The following LOXHD1 variants were observed in gnomAD, a reference collection of about 807,000 sequenced individuals.
The protein encoded by LOXHD1 is lipoxygenase homology PLAT domains 1.
A neutral mutation model predicts 248.2 loss-of-function variants in LOXHD1; 205 were observed. That is an observed-to-expected ratio of 0.83 (90% CI 0.74 to 0.93). The LOEUF is 0.93. Ranked by LOEUF, LOXHD1 falls within the 40% of genes least tolerant of loss-of-function variation. LOXHD1 has a pLI of 0.00. For synonymous variants in LOXHD1, 1,113 were observed against 1,162.8 expected (o/e 0.96, Z 0.87); for missense variants, 2,930 against 2,971.6 (o/e 0.99, Z 0.33).
At position 46,483,625 on chromosome 18, in the gene LOXHD1, G is replaced by A; in HGVS notation, c.6303C>T (p.Val2101=). The A allele has an allele frequency of 1.3e-6, 2 of 1,551,568 alleles. No homozygotes were observed. The highest frequency in any genetic ancestry group is 1.7e-6 in the Non-Finnish European group (2 of 1,146,974). ...CCATCTCGGTGATGGTGATGGTCTT[G>A]ACATGCCAGGCAAGTTCTCTCTTGG... ...FIPKRELAWH[V]KTITITEMEY... Residue 2101 remains valine (V), a synonymous_variant, in exon 40 of 41, where the codon GTC becomes GTT. Coordinates refer to ENST00000642948, the MANE Select transcript of LOXHD1 (RefSeq NM_001384474.1).
At chr18:46,557,131 G>A (rs1481932892) in intron 21 of LOXHD1, among the ~76,000 whole-genome samples, 22 of 79,762 alleles carry the variant, frequency 2.8e-4, no homozygotes, top group Admixed American at 4.0e-4. Context: ...CCCCCAGCCC[G>A]CCCTTACCCT....
At chr18:46,555,627 G>T (rs2143947787) in intron 21 of LOXHD1, among the ~76,000 whole-genome samples, 1 of 152,154 alleles carries the variant, frequency 6.6e-6, no homozygotes, top group African/African-American at 2.4e-5. Flanking sequence ...GCACTGGCAG[G>T]CCCTCAGCAG....
rs947176916 is a variant in LOXHD1, at chr18:46,601,391, C to A, written c.960G>T (p.Met320Ile). 6.4e-7 allele frequency: 1 copy of A among 1,551,640 alleles called. No homozygotes were observed. ...AGTKSKIYLV[M>I]YGARGNKNSG... Reference sequence around the variant, plus strand: ...TGTTCTTATTCCCTCTGGCCCCATACATGACCAAGTAGATTTTGGATTTGG... The same window carrying A: ...TGTTCTTATTCCCTCTGGCCCCATAAATGACCAAGTAGATTTTGGATTTGG... The change falls in exon 8 of 41, where the codon ATG (methionine) becomes ATT (isoleucine). Residue 320 changes from methionine (M) to isoleucine (I), a missense_variant. Physicochemically the swap from Met to Ile is conservative, Grantham distance 10. Transcript: ENST00000642948.
Position 46,601,200 on chromosome 18 carries a change from C to G in LOXHD1, c.1134+17G>C. ...GGGGTTGAATCAGGGAAGGCTGTCT[C>G]TGGGGGCATCCCTTACCTTCTCACA... On this transcript the variant is annotated intron_variant, in intron 8 of 40. Transcript: ENST00000642948. The G allele has an allele frequency of 6.5e-7, 1 of 1,547,214 alleles. No individual in the cohort carries two copies. The highest frequency in any genetic ancestry group is 8.7e-7 in the Non-Finnish European group (1 of 1,143,684).
At chr18:46,517,893 GA>G (rs1432697742) in intron 34 of LOXHD1, among the ~76,000 whole-genome samples, 1 of 152,184 alleles carries the variant, frequency 6.6e-6, no homozygotes, top group Non-Finnish European at 1.5e-5. Context: ...AGTACCAAAT[GA>G]AAGAAAGAAG....
At chr18:46,500,452 T>C (rs1033972681) in intron 37 of LOXHD1, among the ~76,000 whole-genome samples, 22 of 152,218 alleles carry the variant, frequency 1.4e-4, no homozygotes, top group Non-Finnish European at 2.8e-4. Context: ...TTGCCTTAAA[T>C]ATTTCTCAAA....
chr18:46,531,708 C>T (rs187758630), intron 28 of LOXHD1, among the ~76,000 whole-genome samples: 30 of 152,328 alleles, frequency 2.0e-4, no homozygotes, highest in South Asian at 8.3e-4. Flanking sequence ...CCAGGCCACC[C>T]GGTGCATCCA....
In LOXHD1 at chr18:46,516,839, TCAA is replaced by T. The variant is rs745370741; in HGVS notation, c.5399+1287_5399+1289del. On this transcript the variant is annotated intron_variant, in intron 34 of 40. Coordinates refer to ENST00000642948, the MANE Select transcript of LOXHD1 (RefSeq NM_001384474.1). ...ATCATCATCATCATCCCTACCATCA[TCAA>T]CATCATCATCCCTACCATCACCTTC... Among the ~76,000 whole-genome samples, 102 of 152,026 alleles carry T rather than the reference TCAA, an allele frequency of 6.7e-4. 1 individual carries two copies. The highest frequency in any genetic ancestry group is 6.8e-3 in the Middle Eastern group (2 of 294).
At position 46,521,274 on chromosome 18, in the gene LOXHD1, A is replaced by T. The variant is rs995430990; in HGVS notation, c.5094T>A (p.His1698Gln). 1.3e-6 allele frequency: 2 copies of T among 1,551,654 alleles called. No individual in the cohort carries two copies. Among genetic ancestry groups the T allele is most frequent in the African/African-American group, 2.7e-5 (2 of 73,154 alleles). Residue 1698 changes from histidine to glutamine, a missense_variant, in exon 33 of 41, where the codon CAT becomes CAA. By Grantham distance (24) the His-to-Gln change is conservative. Transcript: ENST00000642948. ...VGIIKKIELG[H>Q]DGASPESCWL... ...AGCAGCTCTCAGGGGAGGCCCCGTC[A>T]TGGCCCAGCTAGGAGGAGACACACC...
At position 46,510,492 on chromosome 18, in the gene LOXHD1, T is replaced by G. The variant is rs371992170; in HGVS notation, c.5400-677A>C. 1.8e-4 allele frequency among the ~76,000 whole-genome samples: 27 copies of G among 152,336 alleles called. 1 individual carries two copies. In the East Asian group the frequency reaches 4.0e-3, roughly 23 times the overall value. On this transcript the variant is annotated intron_variant, in intron 34 of 40. Transcript: ENST00000642948. ...GCTCTATCTTTATTCCTTACTGCTC[T>G]TCCCACAGTGCCGCATGTACAATTC...
At position 46,477,485 on chromosome 18, in the gene LOXHD1, A is replaced by G. The variant is rs2032100169; in HGVS notation, c.6809T>C (p.Phe2270Ser). The G allele has an allele frequency of 6.5e-7, 1 of 1,546,934 alleles. No homozygotes were observed. The highest frequency in any genetic ancestry group is 8.7e-7 in the Non-Finnish European group (1 of 1,144,088). The change falls in exon 41 of 41, where the codon TTC becomes TCC. Residue 2270 changes from phenylalanine (F) to serine (S), a missense_variant. Phe to Ser is a radical substitution (Grantham distance 155, BLOSUM62 -2). Transcript: ENST00000642948. ...GGCCCTAGCCCCTCAGACAGAAGGG[A>G]AGAGGTCTCTCCAGGTGAGTCCATC... ...RGDGLTWRDL[F>S]PSV is the part of the protein sequence containing the mutation.
chr18:46,483,876 G>A (rs2032804186), intron 39 of LOXHD1, 131 bp from the exon 40 acceptor site: 3 of 1,102,340 alleles, frequency 2.7e-6, no homozygotes, highest in Non-Finnish European at 3.9e-6. Flanking sequence ...GGAGCTCATG[G>A]CAGTCCTGGA....
At chr18:46,637,884 T>C (rs2144371680) in intron 4 of LOXHD1, among the ~76,000 whole-genome samples, 1 of 152,334 alleles carries the variant, frequency 6.6e-6, no homozygotes. Flanking sequence ...CCACTTGACT[T>C]AGAAATTCCA....
chr18:46,551,165 C>T (rs1394664141), intron 21 of LOXHD1, among the ~76,000 whole-genome samples: 1 of 151,008 alleles, frequency 6.6e-6, no homozygotes, highest in African/African-American at 2.4e-5. Flanking sequence ...TGCAGTGGCG[C>T]AATCTCGGCT....
At chr18:46,483,132 G>T (rs1264870663) in intron 40 of LOXHD1, among the ~76,000 whole-genome samples, 1 of 152,208 alleles carries the variant, frequency 6.6e-6, no homozygotes, top group Non-Finnish European at 1.5e-5. Context: ...CTGTGAGGCA[G>T]ATGGACCATT....
In LOXHD1 at chr18:46,505,789, G is replaced by T. The variant is rs763097528; in HGVS notation, c.5878+49C>A. ...CAGGGAGGGAATAATGGCTCAGGAA[G>T]GGAGCTGAGGGCTGCCCTCCCACCA... is the stretch of plus-strand genomic sequence containing the variant. On this transcript the variant is annotated intron_variant, in intron 37 of 40. Transcript: ENST00000642948. 10 of 1,540,712 alleles carry T rather than the reference G, an allele frequency of 6.5e-6. 1 individual carries two copies. The South Asian group carries it at 9.6e-5, about 15-fold the overall frequency.
At position 46,521,222 on chromosome 18, in the gene LOXHD1, C is replaced by G; in HGVS notation, c.5146G>C (p.Val1716Leu). 1 of 1,551,766 alleles carries G rather than the reference C, an allele frequency of 6.4e-7. No homozygotes were observed. The highest frequency in any genetic ancestry group is 8.7e-7 in the Non-Finnish European group (1 of 1,147,010). The change falls in exon 33 of 41, where the codon GTG becomes CTG. Residue 1716 changes from valine to leucine, a missense_variant. Val to Leu is a conservative substitution (Grantham distance 32). Transcript: ENST00000642948. ...CWLVEELCLA[V>L]PTQGTKYMLN... is the part of the protein sequence containing the mutation. ...ATGTACTTGGTGCCCTGGGTGGGCACTGCCAAACACAACTCTTCCACCAGC... is the reference window on the plus strand; with the variant it reads ...ATGTACTTGGTGCCCTGGGTGGGCAGTGCCAAACACAACTCTTCCACCAGC...
chr18:46,494,099 G>A (rs1047873457), intron 37 of LOXHD1, among the ~76,000 whole-genome samples: 12 of 152,194 alleles, frequency 7.9e-5, no homozygotes, highest in Admixed American at 6.5e-4. Context: ...GGCTCTCAGC[G>A]TTTTTTGCTT....
chr18:46,619,575 G>T (rs573310776), intron 4 of LOXHD1, among the ~76,000 whole-genome samples: 3 of 152,308 alleles, frequency 2.0e-5, no homozygotes, highest in African/African-American at 7.2e-5. Flanking sequence ...GTCTCATTAA[G>T]TACGCTGGAA....
Sources: allele counts gnomAD v4.1 joint callset (sites outside exome capture counted in the v4.1 genomes callset), GRCh38; gene constraint gnomAD v4.1.1; transcripts MANE v1.5; gene names NCBI Gene and HGNC (gene_info 2026-07-23, HGNC 2026-07-21).